Variants in ITGA2B observed in about 807,000 individuals in gnomAD.
The protein encoded by ITGA2B is integrin subunit alpha 2b, also known as integrin alpha-IIb.
Under a neutral mutation model 142.0 loss-of-function variants are expected in ITGA2B, and 91 were observed. The observed-to-expected ratio is 0.64, with a 90% CI of 0.54 to 0.76. The LOEUF is 0.76. Among genes scored for constraint, ITGA2B ranks in the 30% least tolerant of loss-of-function variants. The pLI is 0.00. For synonymous variants in ITGA2B, 536 were observed against 567.2 expected, an observed-to-expected ratio of 0.94 and a Z score of 0.78; for missense variants, 1,231 against 1,350.8, an observed-to-expected ratio of 0.91 and a Z score of 1.39.
intron 18 of ITGA2B, among the ~76,000 whole-genome samples, chr17:44,379,105 C>T (rs1165881755): frequency 6.6e-6 from 1 of 151,746 alleles, no homozygotes; most frequent in Non-Finnish European, 1.5e-5. Flanking sequence ...CGCCACCACG[C>T]CCAGCTAATT....
rs1555615279 is a variant in ITGA2B, at chr17:44,387,852, A to AAAG, written c.188+1431_188+1433dup. Among the ~76,000 whole-genome samples, 126 of 149,968 alleles carry AAAG rather than the reference A, an allele frequency of 8.4e-4. 1 individual carries two copies. The highest frequency in any genetic ancestry group is 2.7e-3 in the African/African-American group (109 of 40,664). ...AAAAAAAAAAAAAAAAAAAAAAAAA[A>AAAG]AAGAAGAAGAAGAAAAAAAGAATTG... On this transcript the variant is annotated intron_variant, in intron 1 of 29. Transcript: ENST00000262407.
At chr17:44,386,819 G>T (rs905035375) in intron 1 of ITGA2B, among the ~76,000 whole-genome samples, 2 of 152,182 alleles carry the variant, frequency 1.3e-5, no homozygotes, top group Non-Finnish European at 2.9e-5. Context: ...TTGAGACAGG[G>T]TCTCATTCTG....
chr17:44,374,969 C>CG, intron 27 of ITGA2B, 29 bp downstream of exon 27: 5 of 1,481,858 alleles, frequency 3.4e-6, no homozygotes, highest in South Asian at 1.2e-5. Flanking sequence ...CCAGAAGGCC[C>CG]GGCCCCGCCC....
chr17:44,375,653 G>C lies in ITGA2B; in HGVS notation c.2665C>G (p.Arg889Gly), dbSNP rs1180067701. The change falls in exon 26 of 30, where the codon CGC becomes GGC. Residue 889 changes from arginine (R) to glycine (G), a missense_variant. Around this residue, in one of 3 missense-constraint regions of ITGA2B, gnomAD observed 908 missense variants for 1,021.1 expected, o/e 0.89. Coordinates refer to ENST00000262407, the MANE Select transcript of ITGA2B (RefSeq NM_000419.5). ...PIHPAHHKRDRRQIFLPEPEQ... is the reference protein window; with the variant it reads ...PIHPAHHKRDGRQIFLPEPEQ... The stretch of plus-strand genomic sequence containing the variant: ...GGCTCTGGCAGGAAGATCTGTCTGC[G>C]ATCCCGCTTGTGATGGGCCGGGTGA... The C allele has an allele frequency of 1.2e-6, 2 of 1,612,198 alleles. No individual in the cohort carries two copies. The highest frequency in any genetic ancestry group is 3.3e-5 in the Admixed American group (2 of 59,724).
chr17:44,376,862 C>T, intron 22 of ITGA2B, 147 bp downstream of exon 22: 1 of 692,024 alleles, frequency 1.4e-6, no homozygotes, highest in South Asian at 1.5e-5. Context: ...ATCCTTCTGC[C>T]TTGGCCTCGC....
intron 1 of ITGA2B, among the ~76,000 whole-genome samples, chr17:44,386,846 C>G (rs1404583614): frequency 2.0e-5 from 3 of 152,212 alleles, no homozygotes; most frequent in African/African-American, 7.2e-5. Flanking sequence ...AGCTGGAGTG[C>G]AGCAGCATGA....
rs1172602927 is a variant in ITGA2B, at chr17:44,375,723, G to C, written c.2602-7C>G. On this transcript the variant is annotated splice_region_variant and splice_polypyrimidine_tract_variant and intron_variant, in intron 25 of 29. Coordinates refer to ENST00000262407, the MANE Select transcript of ITGA2B (RefSeq NM_000419.5). ...TGGGCAGCCCCCAGTCCACCTGGGGGGGCAAAGGAGTGGTCAGGCCCAGGT... is the reference window on the plus strand; with the variant it reads ...TGGGCAGCCCCCAGTCCACCTGGGGCGGCAAAGGAGTGGTCAGGCCCAGGT... 1 of 1,572,278 alleles carries C rather than the reference G, an allele frequency of 6.4e-7. No individual in the cohort carries two copies. The highest frequency in any genetic ancestry group is 2.3e-5 in the East Asian group (1 of 43,006).
At chr17:44,387,055 C>T (rs2048655506) in intron 1 of ITGA2B, among the ~76,000 whole-genome samples, 2 of 151,512 alleles carry the variant, frequency 1.3e-5, no homozygotes, top group African/African-American at 4.8e-5. Context: ...GCCTCTGTGT[C>T]TGGCCCATAA....
At position 44,377,093 on chromosome 17, in the gene ITGA2B, G is replaced by C. The variant is rs1310931296; in HGVS notation, c.2188-5C>G. 6.4e-6 allele frequency: 10 copies of C among 1,566,790 alleles called. No individual in the cohort carries two copies. Among genetic ancestry groups the C allele is most frequent in the African/African-American group, 1.4e-5 (1 of 74,058 alleles). On this transcript the variant is annotated splice_region_variant and splice_polypyrimidine_tract_variant and intron_variant, in intron 21 of 29. Coordinates refer to ENST00000262407, the MANE Select transcript of ITGA2B (RefSeq NM_000419.5). ...CACCAACATCGCGATTCCTATCTGGGAGATGAGGAGGGCCAAGGTCACTGC... is the reference window on the plus strand; with the variant it reads ...CACCAACATCGCGATTCCTATCTGGCAGATGAGGAGGGCCAAGGTCACTGC...
intron 22 of ITGA2B, among the ~76,000 whole-genome samples, chr17:44,376,758 G>A (rs901034963): frequency 8.5e-5 from 13 of 152,052 alleles, no homozygotes; most frequent in Admixed American, 1.3e-4. Context: ...GATTGTAGGT[G>A]CGCACCACCA....
chr17:44,376,737 C>T (rs2048547654), intron 22 of ITGA2B, among the ~76,000 whole-genome samples: 1 of 151,908 alleles, frequency 6.6e-6, no homozygotes, highest in Non-Finnish European at 1.5e-5. Flanking sequence ...CTCAGCCTCC[C>T]GAGTAGCTGG....
At chr17:44,372,446 G>C in intron 29 of ITGA2B, 23 bp from the exon 30 acceptor site, 1 of 1,611,982 alleles carries the variant, frequency 6.2e-7, no homozygotes. Context: ...GGGGGCCAAG[G>C]TCAGGGTATA....
chr17:44,385,545 G>T lies in ITGA2B; in HGVS notation c.574+6C>A. ...TGGGCGGGGCCAGGTCGTAGCTGGC[G>T]CTTACTAAAATCATTTTCCACGTAA... On this transcript the variant is annotated splice_donor_region_variant and intron_variant, in intron 4 of 29. Transcript: ENST00000262407. 3 of 1,559,254 alleles carry T rather than the reference G, an allele frequency of 1.9e-6. No homozygotes were observed. Among genetic ancestry groups the T allele is most frequent in the Non-Finnish European group, 1.7e-6 (2 of 1,157,798 alleles).
chr17:44,385,191 C>G lies in ITGA2B; in HGVS notation c.643G>C (p.Gly215Arg). 1 of 1,614,072 alleles carries G rather than the reference C, an allele frequency of 6.2e-7. No individual in the cohort carries two copies. Among genetic ancestry groups the G allele is most frequent in the Non-Finnish European group, 8.5e-7 (1 of 1,180,004 alleles). Reference sequence around the variant, plus strand: ...AAGAAATAATAGCCGCCAGGAGCCCCAAGCACCAGCTCTCCGGCCTGGAAG... The same window carrying G: ...AAGAAATAATAGCCGCCAGGAGCCCGAAGCACCAGCTCTCCGGCCTGGAAG... ...VVTQAGELVL[G>R]APGGYYFLGL... Residue 215 changes from glycine to arginine, a missense_variant, in exon 6 of 30, where the codon GGG becomes CGG. This residue lies in a region of ITGA2B where 318 missense variants were observed against 312.2 expected (regional missense o/e 1.02). Transcript: ENST00000262407.
In ITGA2B at chr17:44,372,414, A is replaced by G. The variant is rs1331554337; in HGVS notation, c.3070T>C (p.Phe1024Leu). 6.2e-7 allele frequency: 1 copy of G among 1,614,066 alleles called. No individual in the cohort carries two copies. The highest frequency in any genetic ancestry group is 2.2e-5 in the East Asian group (1 of 44,868). Residue 1024 changes from phenylalanine (F) to leucine (L), a missense_variant, in exon 30 of 30, where the codon TTC becomes CTC. Coordinates refer to ENST00000262407, the MANE Select transcript of ITGA2B (RefSeq NM_000419.5). The part of the protein sequence containing the change: ...LVLAMWKVGF[F>L]KRNRPPLEED... ...TCCAGGGGTGGCCGGTTCCGCTTGA[A>G]GAAGCCGACCTGGGGGTACACGGGG...
chr17:44,380,145 C>T lies in ITGA2B; in HGVS notation c.1609G>A (p.Ala537Thr). The change falls in exon 17 of 30, where the codon GCC (alanine) becomes ACC (threonine). Residue 537 changes from alanine (A) to threonine (T), a missense_variant. This residue lies in a region of ITGA2B where 908 missense variants were observed against 1,021.1 expected (regional missense o/e 0.89). Transcript: ENST00000262407. ...HNIPQKLSLN[A>T]ELQLDRQKPR... Reference sequence around the variant, plus strand: ...TTCTGCCGGTCCAGCTGCAGCTCGGCATTTAGGGCTGGCAGGGCAAGCAGA... The same window carrying T: ...TTCTGCCGGTCCAGCTGCAGCTCGGTATTTAGGGCTGGCAGGGCAAGCAGA... The T allele has an allele frequency of 1.2e-6, 2 of 1,613,776 alleles. No individual in the cohort carries two copies. Among genetic ancestry groups the T allele is most frequent in the Non-Finnish European group, 1.7e-6 (2 of 1,179,980 alleles).
chr17:44,385,609 G>T lies in ITGA2B; in HGVS notation c.516C>A (p.Ala172=). The change falls in exon 4 of 30, where the codon GCC becomes GCA. Residue 172 remains alanine (A), a synonymous_variant. Transcript: ENST00000262407. ...TGTTCCCGCGACAGGGGGAGTACTC[G>T]GCGCGGCGGCCGCTCTCTGGCTGAG... ...FLAQPESGRR[A]EYSPCRGNTL... The T allele has an allele frequency of 6.2e-7, 1 of 1,612,042 alleles. No homozygotes were observed. The highest frequency in any genetic ancestry group is 8.5e-7 in the Non-Finnish European group (1 of 1,179,678).
At position 44,383,881 on chromosome 17, in the gene ITGA2B, T is replaced by C. The variant is rs778990744; in HGVS notation, c.998+13A>G. The C allele has an allele frequency of 6.2e-7, 1 of 1,613,030 alleles. No individual in the cohort carries two copies. Among genetic ancestry groups the C allele is most frequent in the East Asian group, 2.2e-5 (1 of 44,870 alleles). ...GACCCAACTGGGTAGGGGTGGGGCA[T>C]GTCCCTCCTCACCCATCCCCGTTGA... On this transcript the variant is annotated intron_variant, in intron 11 of 29. Transcript: ENST00000262407.
At chr17:44,380,790 C>T (rs776128619) in intron 13 of ITGA2B, 89 bp downstream of exon 13, 14 of 1,574,064 alleles carry the variant, frequency 8.9e-6, no homozygotes, top group Non-Finnish European at 9.6e-6. Context: ...CCAGGCCAGG[C>T]ATGAGCCCCT....
Sources: allele counts gnomAD v4.1 joint callset (sites outside exome capture counted in the v4.1 genomes callset), GRCh38; gene constraint gnomAD v4.1.1; regional missense constraint gnomAD v4.1.1; transcripts MANE v1.5; gene names NCBI Gene and HGNC (gene_info 2026-07-23, HGNC 2026-07-21).